IQSEC1: variants seen among roughly 807,000 people sequenced by gnomAD.
IQSEC1 encodes IQ motif and SEC7 domain-containing protein 1.
A neutral mutation model predicts 91.0 loss-of-function variants in IQSEC1; 31 were observed. That is an observed-to-expected ratio of 0.34 (90% confidence interval 0.26 to 0.46). The LOEUF (loss-of-function observed/expected upper bound fraction) is 0.46. IQSEC1 is among the 20% of genes least tolerant of loss of function. The pLI, the probability that IQSEC1 is intolerant of heterozygous loss-of-function variation, is 1.00. For missense variants in IQSEC1, 1,388 were observed against 1,575.6 expected (o/e 0.88, Z 2.02); for synonymous variants, 699 against 662.6 (o/e 1.05, Z -0.84).
chr3:12,960,193 G>A (rs938656071), intron 1 of IQSEC1: 1 of 152,080 alleles, frequency 6.6e-6, no homozygotes, highest in Non-Finnish European at 1.5e-5. Context: ...ACTAGGTGCC[G>A]GGCGCTACTC....
intron 1 of IQSEC1, among the ~76,000 whole-genome samples, chr3:13,012,585 C>T (rs796874372): frequency 3.0e-4 from 45 of 152,302 alleles, no homozygotes; most frequent in African/African-American, 1.0e-3. Flanking sequence ...GGGCTGGTGA[C>T]GACCGAATGA....
chr3:13,037,847 G>T (rs1704093745), intron 1 of IQSEC1, among the ~76,000 whole-genome samples: 1 of 152,288 alleles, frequency 6.6e-6, no homozygotes, highest in South Asian at 2.1e-4. Context: ...AATGGTGGCT[G>T]CTGGGGGTGA....
intron 1 of IQSEC1, chr3:13,022,204 GGTCCCTTCCTTCTT>G: frequency 8.1e-7 from 1 of 1,230,694 alleles, no homozygotes; most frequent in Non-Finnish European, 1.0e-6. Context: ...CGGATTTTCA[GGTCCCTTCCTTCTT>G]CATGGTAGGA....
chr3:12,950,026 C>G (rs9836636), intron 1 of IQSEC1, among the ~76,000 whole-genome samples: 79,465 of 152,096 alleles, frequency 0.52, 21,403 homozygotes, highest in African/African-American at 0.58. Flanking sequence ...GTGGCTGGGG[C>G]TGGGTCACCC....
chr3:13,206,247 A>G (rs902781897), intron 1 of IQSEC1, among the ~76,000 whole-genome samples: 2 of 146,888 alleles, frequency 1.4e-5, no homozygotes, highest in African/African-American at 5.0e-5. Context: ...TCATGTATAT[A>G]GGGTGTGGCA....
At chr3:13,208,891 G>A (rs547337579) in intron 1 of IQSEC1, among the ~76,000 whole-genome samples, 1 of 152,310 alleles carries the variant, frequency 6.6e-6, no homozygotes. Context: ...GGGATGGGGA[G>A]GCCACGTCTG....
chr3:13,089,344 C>G (rs1355317388), intron 2 of IQSEC1, among the ~76,000 whole-genome samples: 1 of 152,236 alleles, frequency 6.6e-6, no homozygotes, highest in African/African-American at 2.4e-5. Flanking sequence ...CTTTGGGAGG[C>G]TGAGGCTGGA....
At chr3:12,947,927 A>G (rs1699289923) in intron 1 of IQSEC1, among the ~76,000 whole-genome samples, 1 of 152,244 alleles carries the variant, frequency 6.6e-6, no homozygotes, top group African/African-American at 2.4e-5. Flanking sequence ...AGATCCCTAT[A>G]GGACAGTGTT....
Position 12,908,559 on chromosome 3 carries a change from G to C in IQSEC1, c.2579-34C>G. 1 of 1,611,988 alleles carries C rather than the reference G, an allele frequency of 6.2e-7. No individual in the cohort carries two copies. Among genetic ancestry groups the C allele is most frequent in the Non-Finnish European group, 8.5e-7 (1 of 1,179,114 alleles). On this transcript the variant is annotated intron_variant, in intron 11 of 13. Transcript: ENST00000613206. The surrounding 1 kb of genome is among the most constrained non-coding windows in gnomAD (Gnocchi z 4.9). ...GAGAGGGTGAGGGTCCTGGTGAGAG[G>C]AGCACAGCCTAGAGTGGGCAGGAGA...
At chr3:12,958,864 C>T (rs1700076870) in intron 1 of IQSEC1, among the ~76,000 whole-genome samples, 1 of 152,200 alleles carries the variant, frequency 6.6e-6, no homozygotes, top group African/African-American at 2.4e-5. Flanking sequence ...TTGCTACATG[C>T]CAGGCTCTAA....
chr3:12,969,484 C>A (rs111481324), intron 1 of IQSEC1, among the ~76,000 whole-genome samples: 1 of 152,172 alleles, frequency 6.6e-6, no homozygotes, highest in Admixed American at 6.5e-5. Context: ...GCTCAAAGAC[C>A]ACAGCCACAT....
intron 1 of IQSEC1, among the ~76,000 whole-genome samples, chr3:13,062,456 C>T (rs1460931871): frequency 6.6e-6 from 1 of 152,192 alleles, no homozygotes; most frequent in Non-Finnish European, 1.5e-5. Context: ...CACACAGACA[C>T]TGGGCAGCAC....
intron 1 of IQSEC1, among the ~76,000 whole-genome samples, chr3:13,165,537 CGTGTGTGTGTGT>C (rs57239903): frequency 1.5e-5 from 1 of 66,644 alleles, no homozygotes; most frequent in Non-Finnish European, 2.9e-5. Context: ...GGGGGGGTGG[CGTGTGTGTGTGT>C]GTGTGTGTGT....
intron 1 of IQSEC1, among the ~76,000 whole-genome samples, chr3:13,164,655 A>C (rs1198480848): frequency 2.0e-5 from 3 of 152,224 alleles, no homozygotes; most frequent in Non-Finnish European, 4.4e-5. Context: ...GACAACCTTG[A>C]ATGTCAAGAA....
At chr3:13,112,489 A>G (rs1576255492) in intron 2 of IQSEC1, among the ~76,000 whole-genome samples, 1 of 152,206 alleles carries the variant, frequency 6.6e-6, no homozygotes, top group African/African-American at 2.4e-5. Flanking sequence ...CAACAAAGAG[A>G]CGTCCGGAAA....
At chr3:13,278,835 G>T (rs11925314) in intron 1 of IQSEC1, among the ~76,000 whole-genome samples, 20 of 149,404 alleles carry the variant, frequency 1.3e-4, no homozygotes, top group East Asian at 3.9e-4. Flanking sequence ...GGGGCAGGGT[G>T]GGGGGGGACA....
chr3:13,001,605 CT>C (rs1462802588), intron 1 of IQSEC1, among the ~76,000 whole-genome samples: 2 of 152,202 alleles, frequency 1.3e-5, no homozygotes, highest in African/African-American at 4.8e-5. Context: ...CTGCAGCATG[CT>C]TTTGTTAAAA....
chr3:13,229,534 C>T (rs75308772), intron 1 of IQSEC1, among the ~76,000 whole-genome samples: 18 of 152,232 alleles, frequency 1.2e-4, no homozygotes, highest in East Asian at 7.7e-4. Context: ...GACTGTCACA[C>T]GAGTGCATTA....
At chr3:13,252,208 C>A (rs1255277442) in intron 1 of IQSEC1, among the ~76,000 whole-genome samples, 1 of 152,176 alleles carries the variant, frequency 6.6e-6, no homozygotes, top group African/African-American at 2.4e-5. Context: ...CAATCCCCCT[C>A]CCCTCAGCCC....
Sources: allele counts gnomAD v4.1 joint callset (sites outside exome capture counted in the v4.1 genomes callset), GRCh38; gene constraint gnomAD v4.1.1; non-coding constraint Gnocchi (gnomAD v3.1); transcripts MANE v1.5; gene names NCBI Gene and HGNC (gene_info 2026-07-23, HGNC 2026-07-21).